Variants in SFXN1 observed in about 807,000 individuals in gnomAD.
SFXN1 encodes sideroflexin 1.
SFXN1 carries 32 observed loss-of-function variants against 39.5 expected under a neutral mutation model. That is an observed-to-expected ratio of 0.81 (90% CI 0.61 to 1.09). The LOEUF (loss-of-function observed/expected upper bound fraction) is 1.09, where lower values mean the gene tolerates loss of function less well. Ranked by LOEUF, SFXN1 falls within the 50% of genes least tolerant of loss-of-function variation. SFXN1 has a pLI of 0.00. For missense variants in SFXN1, 402 were observed against 407.1 expected, an observed-to-expected ratio of 0.99 and a Z score of 0.11; for synonymous variants, 136 against 146.5, an observed-to-expected ratio of 0.93 and a Z score of 0.52.
At chr5:175,509,993 T>C (rs894281335) in intron 3 of SFXN1, 116 bp from the exon 4 acceptor site, 9 of 767,864 alleles carry the variant, frequency 1.2e-5, no homozygotes, top group East Asian at 2.7e-5. Flanking sequence ...TGTGGCCTTA[T>C]GGCTTTCTCC....
chr5:175,526,898 C>T lies in SFXN1; in HGVS notation c.*164C>T, dbSNP rs1761081448. On this transcript the variant is annotated 3_prime_UTR_variant, in exon 11 of 11. Coordinates refer to ENST00000321442, the MANE Select transcript of SFXN1 (RefSeq NM_022754.7). The stretch of plus-strand genomic sequence containing the variant: ...GCTGCTACTTTAACAGAGCACCTGG[C>T]GTGGGCCAAGTGCCTGATACTCCCT... 5 of 629,582 alleles carry T rather than the reference C, an allele frequency of 7.9e-6. No homozygotes were observed. The highest frequency in any genetic ancestry group is 3.8e-5 in the South Asian group (2 of 51,962). The allele number at this position is 629,582 out of a possible 1,614,324, so 39.0% of individuals were successfully genotyped here.
chr5:175,507,286 G>A (rs1176590148), intron 2 of SFXN1, among the ~76,000 whole-genome samples: 1 of 152,082 alleles, frequency 6.6e-6, no homozygotes. Flanking sequence ...AATTGCATCT[G>A]CAAAGATCCC....
chr5:175,497,537 A>T (rs1172576659), intron 2 of SFXN1, among the ~76,000 whole-genome samples: 3 of 152,254 alleles, frequency 2.0e-5, no homozygotes, highest in Non-Finnish European at 4.4e-5. Context: ...TGATAAAGAT[A>T]TAGTGAATGC....
In SFXN1 at chr5:175,509,048, C is replaced by G. The variant is rs182791049; in HGVS notation, c.181C>G (p.Pro61Ala). ...VHDYRQGIVP[P>A]GLTENELWRA... ...TTTTCTTAGGCAAGGAATTGTTCCT[C>G]CTGGTCTTACAGAAAATGAATTGTG... The change falls in exon 3 of 11, where the codon CCT becomes GCT. Residue 61 changes from proline to alanine, a missense_variant. By Grantham distance (27) the Pro-to-Ala change is conservative (BLOSUM62 -1). Coordinates refer to ENST00000321442, the MANE Select transcript of SFXN1 (RefSeq NM_022754.7). 1.3e-5 allele frequency: 21 copies of G among 1,608,652 alleles called. No homozygotes were observed. The African/African-American group carries it at 2.7e-4, about 20-fold the overall frequency.
chr5:175,520,213 A>G (rs913359511), intron 8 of SFXN1, among the ~76,000 whole-genome samples: 4 of 152,056 alleles, frequency 2.6e-5, no homozygotes, highest in African/African-American at 2.4e-5. Context: ...ATGTACATAT[A>G]TATATATACA....
chr5:175,501,063 A>ATT (rs531862744), intron 2 of SFXN1, among the ~76,000 whole-genome samples: 3,022 of 115,974 alleles, frequency 0.026, 196 homozygotes, highest in African/African-American at 0.089. Context: ...ATGGGCAAAG[A>ATT]TTTTTTTTTT....
At chr5:175,492,584 A>G (rs1014625123) in intron 2 of SFXN1, 3 of 205,968 alleles carry the variant, frequency 1.5e-5, no homozygotes, top group Non-Finnish European at 2.9e-5. Context: ...GACATCCACA[A>G]CCCCTCCGTG....
chr5:175,484,230 C>T (rs13180322), intron 1 of SFXN1: 11,487 of 152,274 alleles, frequency 0.075, 701 homozygotes, highest in African/African-American at 0.17. Context: ...ACCTCTGTAA[C>T]GAGATGTTTG....
rs1349061617 is a variant in SFXN1, at chr5:175,509,135, A to G, written c.268A>G (p.Ile90Val). 1.2e-6 allele frequency: 2 copies of G among 1,613,830 alleles called. No individual in the cohort carries two copies. The highest frequency in any genetic ancestry group is 2.2e-5 in the South Asian group (2 of 91,030). ...HPDTGEKMIL[I>V]GRMSAQVPMN... ...TGACACTGGTGAGAAGATGATTTTG[A>G]TAGGAAGAATGTCAGCCCAGGTTCC... The change falls in exon 3 of 11, where the codon ATA (isoleucine) becomes GTA (valine). Residue 90 changes from isoleucine to valine, a missense_variant. By Grantham distance (29) the Ile-to-Val change is conservative. Transcript: ENST00000321442.
At chr5:175,498,718 G>A (rs1158146138) in intron 2 of SFXN1, among the ~76,000 whole-genome samples, 1 of 151,958 alleles carries the variant, frequency 6.6e-6, no homozygotes, top group Non-Finnish European at 1.5e-5. Flanking sequence ...CTACTGTATA[G>A]CTTTTTTGCT....
chr5:175,495,795 A>G (rs753575429), intron 2 of SFXN1, among the ~76,000 whole-genome samples: 16 of 152,188 alleles, frequency 1.1e-4, no homozygotes, highest in Non-Finnish European at 2.1e-4. Context: ...AAAAAAAGAA[A>G]CATATAAGAA....
At position 175,526,686 on chromosome 5, in the gene SFXN1, A is replaced by G. The variant is rs185003048; in HGVS notation, c.921A>G (p.Gln307=). The change falls in exon 11 of 11, where the codon CAA becomes CAG. Residue 307 remains glutamine, a synonymous_variant. Transcript: ENST00000321442. ...SLEAELQAKI[Q]ESHPELRRVY... is the part of the protein sequence containing the mutation. ...AGGCCGAGTTGCAAGCTAAGATCCA[A>G]GAGAGCCATCCTGAATTGCGACGCG... 1.4e-5 allele frequency: 23 copies of G among 1,614,248 alleles called. No homozygotes were observed. In the East Asian group the frequency reaches 4.7e-4, roughly 33 times the overall value.
At chr5:175,510,410 T>G (rs1426329397) in intron 4 of SFXN1, 1 of 536,236 alleles carries the variant, frequency 1.9e-6, no homozygotes, top group Non-Finnish European at 3.3e-6. Flanking sequence ...ACAGTCTTCT[T>G]CCAGCCTGCC....
At chr5:175,510,085 A>G (rs1760458485) in intron 3 of SFXN1, 24 bp from the exon 4 acceptor site, 2 of 1,594,338 alleles carry the variant, frequency 1.3e-6, no homozygotes, top group Admixed American at 1.7e-5. Flanking sequence ...GATGGTGGGT[A>G]TGTGACGGAT....
chr5:175,509,070 TG>T lies in SFXN1; in HGVS notation c.204del (p.Leu68PhefsTer20). The T allele has an allele frequency of 6.2e-7, 1 of 1,611,674 alleles. No homozygotes were observed. The highest frequency in any genetic ancestry group is 8.5e-7 in the Non-Finnish European group (1 of 1,179,244). On this transcript the variant is annotated frameshift_variant, in exon 3 of 11. Transcript: ENST00000321442. LOFTEE classifies it high-confidence loss of function. ...IVPPGLTENE[L>X]WRAKYIYDSA... Reference sequence around the variant, plus strand: ...CCTCCTGGTCTTACAGAAAATGAATTGTGGAGAGCAAAGTACATCTATGATT... The same window carrying T: ...CCTCCTGGTCTTACAGAAAATGAATTTGGAGAGCAAAGTACATCTATGATT...
chr5:175,511,714 A>G, intron 5 of SFXN1, 188 bp downstream of exon 5: 1 of 603,930 alleles, frequency 1.7e-6, no homozygotes, highest in Non-Finnish European at 2.9e-6. Context: ...AGTAACACCT[A>G]CCAGGACTGT....
chr5:175,514,586 G>A (rs1760652196), intron 7 of SFXN1, among the ~76,000 whole-genome samples: 1 of 152,212 alleles, frequency 6.6e-6, no homozygotes, highest in Non-Finnish European at 1.5e-5. Flanking sequence ...CTCCAATGAA[G>A]TATACTTCAT....
At chr5:175,480,361 A>T (rs1012618662) in intron 1 of SFXN1, among the ~76,000 whole-genome samples, 1 of 152,018 alleles carries the variant, frequency 6.6e-6, no homozygotes, top group Non-Finnish European at 1.5e-5. Flanking sequence ...AGATCGCGCC[A>T]CTGCACTCCA....
intron 3 of SFXN1, among the ~76,000 whole-genome samples, chr5:175,509,699 A>G (rs2662169): frequency 0.17 from 25,376 of 152,134 alleles, 2,258 homozygotes; most frequent in South Asian, 0.35. Flanking sequence ...GTATAAGTGT[A>G]GATATAGGCA....
Sources: gnomAD v4.1 joint callset for allele counts (sites outside exome capture counted in the v4.1 genomes callset) on GRCh38, gnomAD v4.1.1 for gene constraint, MANE v1.5 for transcripts, NCBI Gene and HGNC (gene_info 2026-07-23, HGNC 2026-07-21) for gene names.